GUCY1B1: variants seen among roughly 807,000 people sequenced by gnomAD.
GUCY1B1 encodes guanylate cyclase soluble subunit beta-1.
GUCY1B1 carries 43 observed loss-of-function variants against 71.0 expected under a neutral mutation model. The ratio of observed to expected loss-of-function variants is 0.61; its 90% CI spans 0.47 to 0.78. The LOEUF (loss-of-function observed/expected upper bound fraction) is 0.78, where lower values mean the gene tolerates loss of function less well. GUCY1B1 is among the 30% of genes least tolerant of loss of function. The pLI is 0.00. For missense variants in GUCY1B1, 535 were observed against 754.1 expected, an observed-to-expected ratio of 0.71 and a Z score of 3.40; for synonymous variants, 266 against 259.7, an observed-to-expected ratio of 1.02 and a Z score of -0.23.
chr4:155,765,957 T>C (rs1737305258), intron 2 of GUCY1B1, among the ~76,000 whole-genome samples: 1 of 152,204 alleles, frequency 6.6e-6, no homozygotes, highest in Non-Finnish European at 1.5e-5. Flanking sequence ...CTTTCCTTCA[T>C]AGTGCTGTAA....
chr4:155,805,313 T>C (rs1269907752), intron 13 of GUCY1B1, 84 bp downstream of exon 13: 1 of 1,145,244 alleles, frequency 8.7e-7, no homozygotes, highest in African/African-American at 1.6e-5. Flanking sequence ...AAAATGTATT[T>C]CATTTGAAAA....
At chr4:155,790,154 A>C (rs1489361448) in intron 5 of GUCY1B1, among the ~76,000 whole-genome samples, 2 of 152,152 alleles carry the variant, frequency 1.3e-5, no homozygotes, top group African/African-American at 4.8e-5. Context: ...GGCTACAAGA[A>C]ATTTACTTTG....
intron 4 of GUCY1B1, among the ~76,000 whole-genome samples, chr4:155,789,359 A>G (rs1482829745): frequency 6.6e-6 from 1 of 152,250 alleles, no homozygotes; most frequent in Non-Finnish European, 1.5e-5. Flanking sequence ...GTTGTTGATC[A>G]CAACACGTAG....
chr4:155,762,007 T>G (rs1312436575), intron 2 of GUCY1B1, among the ~76,000 whole-genome samples: 1 of 152,230 alleles, frequency 6.6e-6, no homozygotes, highest in African/African-American at 2.4e-5. Flanking sequence ...CAGCTGATCT[T>G]GGGTGTGGTT....
At chr4:155,789,421 A>C (rs941639666) in intron 4 of GUCY1B1, among the ~76,000 whole-genome samples, 5 of 152,036 alleles carry the variant, frequency 3.3e-5, no homozygotes, top group African/African-American at 1.2e-4. Flanking sequence ...GCCCTTAACT[A>C]TGTTTTTTTC....
chr4:155,786,110 A>G (rs2111086857), intron 4 of GUCY1B1, among the ~76,000 whole-genome samples: 1 of 150,408 alleles, frequency 6.6e-6, no homozygotes, highest in African/African-American at 2.4e-5. Context: ...GCCTTATGCC[A>G]TCTGCTTGAG....
At chr4:155,803,244 G>A (rs995034052) in intron 10 of GUCY1B1, among the ~76,000 whole-genome samples, 3 of 152,168 alleles carry the variant, frequency 2.0e-5, no homozygotes, top group South Asian at 2.1e-4. Flanking sequence ...ATTAATGACC[G>A]TGATAAATCA....
At chr4:155,799,088 C>T (rs1183731489) in intron 8 of GUCY1B1, among the ~76,000 whole-genome samples, 2 of 152,106 alleles carry the variant, frequency 1.3e-5, no homozygotes, top group African/African-American at 2.4e-5. Context: ...CTGCCCACCT[C>T]GCCTCCCAAA....
At chr4:155,771,100 AAAAAAG>A (rs1382203924) in intron 2 of GUCY1B1, among the ~76,000 whole-genome samples, 5 of 152,232 alleles carry the variant, frequency 3.3e-5, no homozygotes, top group Admixed American at 1.3e-4. Context: ...TTCCATAAGA[AAAAAAG>A]AAAAAGAAAA....
chr4:155,800,886 G>C (rs550258327), intron 9 of GUCY1B1, among the ~76,000 whole-genome samples: 1 of 152,136 alleles, frequency 6.6e-6, no homozygotes, highest in East Asian at 1.9e-4. Context: ...AAGTCACATG[G>C]GTTTGTAGGT....
intron 5 of GUCY1B1, among the ~76,000 whole-genome samples, chr4:155,791,591 C>T (rs1312444343): frequency 2.0e-5 from 3 of 150,648 alleles, no homozygotes; most frequent in Non-Finnish European, 4.4e-5. Context: ...AATAGCCAGG[C>T]GTGGTGGCGG....
Position 155,796,516 on chromosome 4 carries a change from C to G in GUCY1B1, c.977+6C>G, listed in dbSNP as rs764971221. The G allele has an allele frequency of 3.2e-5, 51 of 1,596,394 alleles. No homozygotes were observed. The highest frequency in any genetic ancestry group is 4.0e-5 in the Non-Finnish European group (47 of 1,166,048). On this transcript the variant is annotated splice_donor_region_variant and intron_variant, in intron 8 of 13. Coordinates refer to ENST00000264424, the MANE Select transcript of GUCY1B1 (RefSeq NM_000857.5). ...CTTTTTCTATGTTCACCAAGGTAAT[C>G]ATTTTTAGATTAATTATAGTGGCTA...
At chr4:155,788,265 T>C (rs142881379) in intron 4 of GUCY1B1, among the ~76,000 whole-genome samples, 197 of 152,310 alleles carry the variant, frequency 1.3e-3, no homozygotes, top group African/African-American at 4.4e-3. Context: ...TCCATGCAGT[T>C]ATAGGGCTGA....
intron 1 of GUCY1B1, chr4:155,759,582 G>A: frequency 1.8e-6 from 1 of 543,936 alleles, no homozygotes; most frequent in South Asian, 2.5e-5. Context: ...GGGGCGGATG[G>A]TGACGGGGAG....
At chr4:155,795,834 ATTG>A (rs1178205723) in intron 7 of GUCY1B1, among the ~76,000 whole-genome samples, 1 of 151,824 alleles carries the variant, frequency 6.6e-6, no homozygotes, top group East Asian at 1.9e-4. Flanking sequence ...TAAATTGTCT[ATTG>A]TTCTTAGTAG....
chr4:155,766,018 A>G (rs10012242), intron 2 of GUCY1B1, among the ~76,000 whole-genome samples: 27,935 of 152,088 alleles, frequency 0.18, 3,187 homozygotes, highest in African/African-American at 0.32. Context: ...TCTATCCTCC[A>G]TGACAATAGC....
chr4:155,794,197 G>T, intron 6 of GUCY1B1, 111 bp downstream of exon 6: 1 of 606,028 alleles, frequency 1.7e-6, no homozygotes. Context: ...TAGGTAATAT[G>T]CAGTTTATTG....
rs754744596 is a variant in GUCY1B1, at chr4:155,794,033, C to A, written c.673C>A (p.Arg225=). 6.2e-7 allele frequency: 1 copy of A among 1,612,922 alleles called. No individual in the cohort carries two copies. The highest frequency in any genetic ancestry group is 1.1e-5 in the South Asian group (1 of 91,042). Residue 225 remains arginine, a synonymous_variant, in exon 6 of 14, where the codon CGG becomes AGG. Transcript: ENST00000264424. The part of the protein sequence containing the change: ...KAFPFHIIFD[R]DLVVTQCGNA... ...TTTTCCTTTTCATATAATATTTGAC[C>A]GGGACCTAGTGGTCACTCAGTGTGG...
intron 4 of GUCY1B1, among the ~76,000 whole-genome samples, chr4:155,788,816 T>TA (rs1200655624): frequency 2.0e-5 from 3 of 152,190 alleles, no homozygotes; most frequent in Non-Finnish European, 4.4e-5. Context: ...TTAATTCCTA[T>TA]ACCATGCTGT....
Sources: allele counts gnomAD v4.1 joint callset (sites outside exome capture counted in the v4.1 genomes callset), GRCh38; gene constraint gnomAD v4.1.1; transcripts MANE v1.5; gene names NCBI Gene and HGNC (gene_info 2026-07-23, HGNC 2026-07-21).